The following ANKRD17 variants were observed in gnomAD, a reference collection of about 807,000 sequenced individuals.
The protein encoded by ANKRD17 is ankyrin repeat domain-containing protein 17.
Under a neutral mutation model 229.7 loss-of-function variants are expected in ANKRD17, and 19 were observed. The observed-to-expected ratio is 0.08, with a 90% CI of 0.06 to 0.12. The LOEUF (loss-of-function observed/expected upper bound fraction) is 0.12. ANKRD17 is among the 10% of genes least tolerant of loss of function. The pLI, the probability that ANKRD17 is intolerant of heterozygous loss-of-function variation, is 1.00. For synonymous variants in ANKRD17, 1,112 were observed against 1,146.1 expected (o/e 0.97, Z 0.60); for missense variants, 2,176 against 3,176.8 (o/e 0.68, Z 7.57).
chr4:73,093,327 T>G (rs914915857), intron 28 of ANKRD17, among the ~76,000 whole-genome samples: 1 of 151,990 alleles, frequency 6.6e-6, no homozygotes, highest in African/African-American at 2.4e-5. Context: ...CGACGAGTTA[T>G]TCAAGATAAG....
chr4:73,223,317 A>G (rs1742104830), intron 1 of ANKRD17, among the ~76,000 whole-genome samples: 1 of 152,270 alleles, frequency 6.6e-6, no homozygotes, highest in South Asian at 2.1e-4. Flanking sequence ...AAAATTTCAA[A>G]AAAGAAATAA....
chr4:73,166,579 C>T (rs889268523), intron 2 of ANKRD17, among the ~76,000 whole-genome samples: 1 of 152,124 alleles, frequency 6.6e-6, no homozygotes, highest in Non-Finnish European at 1.5e-5. Context: ...AGCAACCAGA[C>T]AGTGCCTATG....
chr4:73,251,624 G>C (rs1261869239), intron 1 of ANKRD17, among the ~76,000 whole-genome samples: 1 of 150,774 alleles, frequency 6.6e-6, no homozygotes, highest in Non-Finnish European at 1.5e-5. Flanking sequence ...AAAAATATAA[G>C]TGGTACCAGC....
intron 19 of ANKRD17, 88 bp downstream of exon 19, chr4:73,121,529 T>C: frequency 2.0e-6 from 3 of 1,480,448 alleles, no homozygotes; most frequent in Non-Finnish European, 2.8e-6. Flanking sequence ...AGGGATTTAC[T>C]AAATTTGGCA....
rs201631883 is a variant in ANKRD17, at chr4:73,088,999, T to C, written c.6961+1668A>G. Among the ~76,000 whole-genome samples, 9 of 152,284 alleles carry C rather than the reference T, an allele frequency of 5.9e-5. No individual in the cohort carries two copies. In the East Asian group the frequency reaches 1.5e-3, roughly 26 times the overall value. On this transcript the variant is annotated intron_variant, in intron 29 of 33. Transcript: ENST00000358602. ...TCAGTAAAGCTTTCTCTACAAACACTGAAATTAAAATTTCATATTTTGTGT... is the reference window on the plus strand; with the variant it reads ...TCAGTAAAGCTTTCTCTACAAACACCGAAATTAAAATTTCATATTTTGTGT...
chr4:73,249,563 T>C lies in ANKRD17; in HGVS notation c.393+8713A>G, dbSNP rs370331890. ...GAAGTAATAAGCAATAAGAATATACTTAAGTAAAATCGGCCGGGTGCTGTG... is the reference window on the plus strand; with the variant it reads ...GAAGTAATAAGCAATAAGAATATACCTAAGTAAAATCGGCCGGGTGCTGTG... On this transcript the variant is annotated intron_variant, in intron 1 of 33. Coordinates refer to ENST00000358602, the MANE Select transcript of ANKRD17 (RefSeq NM_032217.5). 4.4e-4 allele frequency among the ~76,000 whole-genome samples: 67 copies of C among 152,344 alleles called. 1 individual carries two copies. In the South Asian group the frequency reaches 0.014, roughly 31 times the overall value.
chr4:73,208,185 T>C (rs1739756848), intron 1 of ANKRD17, among the ~76,000 whole-genome samples: 1 of 80,878 alleles, frequency 1.2e-5, no homozygotes, highest in Non-Finnish European at 2.1e-5. Context: ...CGAGACTCCG[T>C]CTCAAAAAAA....
intron 1 of ANKRD17, among the ~76,000 whole-genome samples, chr4:73,222,737 C>T (rs1453093084): frequency 6.6e-6 from 1 of 152,144 alleles, no homozygotes; most frequent in African/African-American, 2.4e-5. Flanking sequence ...CCCTAACAAA[C>T]ATATATCTAC....
chr4:73,077,142 A>T, intron 32 of ANKRD17, 38 bp from the exon 33 acceptor site: 1 of 1,519,260 alleles, frequency 6.6e-7, no homozygotes, highest in Non-Finnish European at 8.8e-7. Flanking sequence ...CATCCAAGTC[A>T]TTGTTCATTT....
intron 1 of ANKRD17, among the ~76,000 whole-genome samples, chr4:73,226,389 GTTTTTTTT>G (rs1157719883): frequency 5.7e-5 from 5 of 87,624 alleles, no homozygotes; most frequent in East Asian, 3.7e-4. Flanking sequence ...CTTTTCTTCT[GTTTTTTTT>G]TTTTTTTTTT....
chr4:73,096,361 A>T (rs1047122170), intron 27 of ANKRD17, among the ~76,000 whole-genome samples: 7 of 152,210 alleles, frequency 4.6e-5, no homozygotes, highest in African/African-American at 1.7e-4. Context: ...AAGGAGTGAA[A>T]GAAAGAATGT....
chr4:73,169,240 T>C (rs965340590), intron 2 of ANKRD17: 2 of 152,144 alleles, frequency 1.3e-5, no homozygotes, highest in Non-Finnish European at 2.9e-5. Flanking sequence ...AACATGTTTT[T>C]CCCAAAAGGC....
At chr4:73,093,574 C>T (rs1723001976) in intron 28 of ANKRD17, among the ~76,000 whole-genome samples, 1 of 151,840 alleles carries the variant, frequency 6.6e-6, no homozygotes, top group Non-Finnish European at 1.5e-5. Context: ...ACGGGGTTTC[C>T]CCATGTTGAG....
At chr4:73,193,076 T>G (rs912210081) in intron 1 of ANKRD17, among the ~76,000 whole-genome samples, 15 of 152,194 alleles carry the variant, frequency 9.9e-5, no homozygotes, top group African/African-American at 3.6e-4. Flanking sequence ...TCCTGTCCAT[T>G]TGTAGGCAAT....
At chr4:73,195,597 C>G (rs997422394) in intron 1 of ANKRD17, among the ~76,000 whole-genome samples, 1 of 152,054 alleles carries the variant, frequency 6.6e-6, no homozygotes, top group Non-Finnish European at 1.5e-5. Flanking sequence ...CAACCTCTGC[C>G]TCCCGGGTTC....
rs551862792 is a variant in ANKRD17 at position 73,233,803 on chromosome 4, G to A, written c.393+24473C>T. Among the ~76,000 whole-genome samples, 11 of 152,280 alleles carry A rather than the reference G, an allele frequency of 7.2e-5. No homozygotes were observed. The East Asian group carries it at 1.9e-3, about 27-fold the overall frequency. The stretch of plus-strand genomic sequence containing the variant: ...GTCAAAATCTATTGTCTCTCAAACA[G>A]TGAAGTCACTGTTCCACTGCCTTCA... On this transcript the variant is annotated intron_variant, in intron 1 of 33. Coordinates refer to ENST00000358602, the MANE Select transcript of ANKRD17 (RefSeq NM_032217.5).
chr4:73,231,848 T>C (rs1325022288), intron 1 of ANKRD17, among the ~76,000 whole-genome samples: 1 of 152,168 alleles, frequency 6.6e-6, no homozygotes, highest in East Asian at 1.9e-4. Flanking sequence ...CAATCATGCC[T>C]ATGTAATAAA....
chr4:73,138,008 AAT>A (rs1295242131), intron 15 of ANKRD17, among the ~76,000 whole-genome samples: 2 of 152,176 alleles, frequency 1.3e-5, no homozygotes, highest in African/African-American at 4.8e-5. Context: ...ATTACTGTGT[AAT>A]ACCTATTCTT....
At chr4:73,101,738 C>T (rs1724026062) in intron 25 of ANKRD17, among the ~76,000 whole-genome samples, 1 of 149,616 alleles carries the variant, frequency 6.7e-6, no homozygotes, top group Non-Finnish European at 1.5e-5. Flanking sequence ...TTTTAGATGG[C>T]TCAGAAAAAA....
Sources: allele counts gnomAD v4.1 joint callset (sites outside exome capture counted in the v4.1 genomes callset), GRCh38; gene constraint gnomAD v4.1.1; transcripts MANE v1.5; gene names NCBI Gene and HGNC (gene_info 2026-07-23, HGNC 2026-07-21).